The following NUP98 variants were observed in gnomAD, a reference collection of about 807,000 sequenced individuals.
The protein encoded by NUP98 is nuclear pore complex protein Nup98-Nup96.
NUP98 carries 26 observed loss-of-function variants against 191.9 expected under a neutral mutation model. That is an observed-to-expected ratio of 0.14 (90% CI 0.10 to 0.19). The LOEUF (loss-of-function observed/expected upper bound fraction) is 0.19, where lower values mean the gene tolerates loss of function less well. NUP98 is among the 10% of genes least tolerant of loss of function. The probability of loss-of-function intolerance (pLI) is 1.00; values close to 1 mark genes in which losing one functional copy is unlikely to be tolerated. For missense variants in NUP98, 1,941 were observed against 2,178.8 expected, an observed-to-expected ratio of 0.89 and a Z score of 2.17; for synonymous variants, 808 against 778.4, an observed-to-expected ratio of 1.04 and a Z score of -0.63.
chr11:3,790,950 A>C (rs1264303635), intron 1 of NUP98, among the ~76,000 whole-genome samples: 6 of 149,472 alleles, frequency 4.0e-5, no homozygotes, highest in Non-Finnish European at 7.4e-5. Flanking sequence ...GGCTGGAGTG[A>C]AGTGACGCAA....
At chr11:3,724,111 C>A (rs2079517763) in intron 15 of NUP98, among the ~76,000 whole-genome samples, 1 of 151,906 alleles carries the variant, frequency 6.6e-6, no homozygotes, top group East Asian at 1.9e-4. Context: ...CGTGCATAAT[C>A]TTTATATAAT....
chr11:3,761,541 C>A (rs1349248812), intron 9 of NUP98, among the ~76,000 whole-genome samples: 1 of 152,064 alleles, frequency 6.6e-6, no homozygotes, highest in Non-Finnish European at 1.5e-5. Context: ...AGGTGGATCA[C>A]GAGGTCAGGA....
chr11:3,711,968 G>A (rs911021061), intron 20 of NUP98: 41 of 1,044,014 alleles, frequency 3.9e-5, no homozygotes, highest in African/African-American at 6.7e-5. Context: ...AAGAAATCCC[G>A]TATCAATGAT....
In NUP98 at chr11:3,764,240, C is replaced by A. The variant is rs548128587; in HGVS notation, c.949-1201G>T. On this transcript the variant is annotated intron_variant, in intron 8 of 32. Coordinates refer to ENST00000324932, the MANE Select transcript of NUP98 (RefSeq NM_016320.5). The stretch of plus-strand genomic sequence containing the variant: ...GGTGACGGGCTTCTTTCAGTTAGCA[C>A]ATTTTCAAGGTTCATCTGTGTTGTA... Among the ~76,000 whole-genome samples the A allele has an allele frequency of 1.1e-4, 17 of 152,262 alleles. No homozygotes were observed. In the East Asian group the frequency reaches 2.5e-3, roughly 22 times the overall value.
intron 8 of NUP98, 40 bp from the exon 9 acceptor site, chr11:3,763,079 T>C (rs754636343): frequency 7.0e-6 from 11 of 1,579,024 alleles, no homozygotes; most frequent in Non-Finnish European, 6.0e-6. Context: ...TATCCTGTAA[T>C]AGTTTCCGTA....
chr11:3,754,537 T>C (rs1385656164), intron 10 of NUP98, among the ~76,000 whole-genome samples: 2 of 152,220 alleles, frequency 1.3e-5, no homozygotes, highest in African/African-American at 2.4e-5. Flanking sequence ...GTAGCTTTTA[T>C]TTTGAATAGA....
intron 5 of NUP98, among the ~76,000 whole-genome samples, chr11:3,774,662 A>C (rs1341213286): frequency 6.6e-6 from 1 of 152,078 alleles, no homozygotes; most frequent in African/African-American, 2.4e-5. Context: ...GGTTGCAGTG[A>C]GCCAAGATTG....
chr11:3,786,511 T>C (rs997591481), intron 1 of NUP98, among the ~76,000 whole-genome samples: 2 of 152,204 alleles, frequency 1.3e-5, no homozygotes, highest in Admixed American at 6.5e-5. Flanking sequence ...TAGTGTTATA[T>C]AGAAAAGAAA....
intron 13 of NUP98, among the ~76,000 whole-genome samples, chr11:3,733,953 C>T (rs1234335657): frequency 2.0e-5 from 3 of 152,114 alleles, no homozygotes; most frequent in Non-Finnish European, 4.4e-5. Context: ...TTACACATCA[C>T]TTTAAAAGGT....
intron 7 of NUP98, among the ~76,000 whole-genome samples, chr11:3,770,145 GACCA>G (rs1426473423): frequency 1.2e-4 from 18 of 151,574 alleles, no homozygotes; most frequent in African/African-American, 4.4e-4. Flanking sequence ...AGGGGTTCGA[GACCA>G]GCCTGGCCAA....
rs775969791 is a variant in NUP98, at chr11:3,763,042, G to A, written c.949-3C>T. On this transcript the variant is annotated splice_region_variant and splice_polypyrimidine_tract_variant and intron_variant, in intron 8 of 32. Coordinates refer to ENST00000324932, the MANE Select transcript of NUP98 (RefSeq NM_016320.5). The stretch of plus-strand genomic sequence containing the variant: ...GCTTGGGTTACTCCAAATAATCCCT[G>A]CAAAGAAGTTTATATAGATTAAAAG... The A allele has an allele frequency of 3.1e-6, 5 of 1,613,564 alleles. No homozygotes were observed. Among genetic ancestry groups the A allele is most frequent in the Non-Finnish European group, 4.2e-6 (5 of 1,179,758 alleles).
In NUP98 at chr11:3,686,115, A is replaced by C. The variant is rs1486237249; in HGVS notation, c.4534T>G (p.Trp1512Gly). ...PLDYRLSWHL[W>G]EVLRALNYTH... The stretch of plus-strand genomic sequence containing the variant: ...TAGTTAAGAGCCCTCAGCACTTCCC[A>C]CAAGTGCCAGCTTAGGCGGTAGTCC... The change falls in exon 29 of 33, where the codon TGG (tryptophan) becomes GGG (glycine). Residue 1512 changes from tryptophan to glycine, a missense_variant. Coordinates refer to ENST00000324932, the MANE Select transcript of NUP98 (RefSeq NM_016320.5). The C allele has an allele frequency of 6.2e-7, 1 of 1,614,196 alleles. No individual in the cohort carries two copies.
intron 30 of NUP98, 94 bp from the exon 31 acceptor site, chr11:3,679,802 A>T: frequency 7.8e-7 from 1 of 1,276,776 alleles, no homozygotes; most frequent in Non-Finnish European, 1.1e-6. Context: ...GGAAGGAGAA[A>T]TAATGTTGGC....
intron 4 of NUP98, among the ~76,000 whole-genome samples, chr11:3,778,495 CAAG>C (rs569762119): frequency 1.5e-4 from 23 of 152,322 alleles, no homozygotes; most frequent in African/African-American, 4.8e-4. Context: ...AAAACAGAGA[CAAG>C]AAGAAGGTGC....
At chr11:3,785,366 C>CCACT (rs112326640) in intron 1 of NUP98, among the ~76,000 whole-genome samples, 10,896 of 152,166 alleles carry the variant, frequency 0.072, 410 homozygotes, top group Middle Eastern at 0.1. Flanking sequence ...CAATACCCAC[C>CCACT]ATCACTCATT....
intron 27 of NUP98, among the ~76,000 whole-genome samples, chr11:3,691,901 AATAGACAGCC>A (rs1270779993): frequency 6.6e-6 from 1 of 152,222 alleles, no homozygotes; most frequent in Non-Finnish European, 1.5e-5. Flanking sequence ...ATTAAGAATG[AATAGACAGCC>A]ATGTGCAGTG....
At chr11:3,705,173 T>C (rs372155368) in intron 22 of NUP98, 27 bp downstream of exon 22, 63 of 1,611,446 alleles carry the variant, frequency 3.9e-5, no homozygotes, top group Admixed American at 8.4e-5. Flanking sequence ...ACAGCTTTCT[T>C]GTAAAATAGC....
intron 1 of NUP98, among the ~76,000 whole-genome samples, chr11:3,790,977 G>T (rs560874207): frequency 6.6e-6 from 1 of 151,168 alleles, no homozygotes; most frequent in East Asian, 2.0e-4. Context: ...CTGACTGCAA[G>T]CTCTGCCTCC....
intron 8 of NUP98, 65 bp downstream of exon 8, chr11:3,768,516 T>A: frequency 1.4e-6 from 2 of 1,384,168 alleles, no homozygotes; most frequent in Non-Finnish European, 1.9e-6. Flanking sequence ...TTTGACATGA[T>A]TAGAATCCTC....
Sources: allele counts gnomAD v4.1 joint callset (sites outside exome capture counted in the v4.1 genomes callset), GRCh38; gene constraint gnomAD v4.1.1; transcripts MANE v1.5; gene names NCBI Gene and HGNC (gene_info 2026-07-23, HGNC 2026-07-21).